Variants in ANKRD13C observed in about 807,000 individuals in gnomAD.
The protein encoded by ANKRD13C is ankyrin repeat domain 13C, also known as ankyrin repeat domain-containing protein 13C.
In ANKRD13C, 16 loss-of-function variants were observed where a neutral mutation model predicts 65.5. The observed-to-expected ratio is 0.24, with a 90% CI of 0.17 to 0.37. The LOEUF (loss-of-function observed/expected upper bound fraction) is 0.37, where lower values mean the gene tolerates loss of function less well. ANKRD13C is among the 10% of genes least tolerant of loss of function. ANKRD13C has a pLI of 1.00. For synonymous variants in ANKRD13C, 235 were observed against 238.7 expected, an observed-to-expected ratio of 0.98 and a Z score of 0.14; for missense variants, 503 against 655.9, an observed-to-expected ratio of 0.77 and a Z score of 2.55.
intron 6 of ANKRD13C, among the ~76,000 whole-genome samples, chr1:70,302,725 CAAAAAAAAAAAAAAAAAA>C (rs11359618): frequency 6.2e-5 from 2 of 32,164 alleles, no homozygotes; most frequent in African/African-American, 3.4e-4. Flanking sequence ...GACTCCGTCT[CAAAAAAAAAAAAAAAAAA>C]AAAAAAAAAA....
At chr1:70,270,760 G>A in intron 12 of ANKRD13C, 96 bp downstream of exon 12, 1 of 805,056 alleles carries the variant, frequency 1.2e-6, no homozygotes, top group South Asian at 1.8e-5. Context: ...AGAGGTGTTG[G>A]GGACCCCTGC....
intron 2 of ANKRD13C, among the ~76,000 whole-genome samples, chr1:70,330,569 C>G (rs377556715): frequency 4.2e-5 from 1 of 23,670 alleles, no homozygotes; most frequent in Non-Finnish European, 8.8e-5. Context: ...AAAAAACAAA[C>G]AAACCAAAAA....
In ANKRD13C at chr1:70,260,211, A is replaced by G. The variant is rs1678341673; in HGVS notation, c.*2506T>C. 2.0e-5 allele frequency among the ~76,000 whole-genome samples: 3 copies of G among 152,162 alleles called. No homozygotes were observed. Among genetic ancestry groups the G allele is most frequent in the African/African-American group, 7.2e-5 (3 of 41,446 alleles). ...TTCTTATACTCACAAAAATCAGGGC[A>G]TCTACTTCATACTACCCTTTTATGA... On this transcript the variant is annotated 3_prime_UTR_variant, in exon 13 of 13. Transcript: ENST00000370944.
intron 12 of ANKRD13C, 102 bp from the exon 13 acceptor site, chr1:70,262,949 A>AT: frequency 3.3e-6 from 3 of 910,612 alleles, no homozygotes; most frequent in Non-Finnish European, 4.6e-6. Flanking sequence ...AATGTAAAAA[A>AT]AAAAAAAAAA....
chr1:70,264,709 A>G (rs1678535544), intron 12 of ANKRD13C, among the ~76,000 whole-genome samples: 1 of 152,126 alleles, frequency 6.6e-6, no homozygotes, highest in South Asian at 2.1e-4. Flanking sequence ...ACATCACTAA[A>G]TAAGAAACAA....
At chr1:70,283,671 C>T (rs893687616) in intron 9 of ANKRD13C, among the ~76,000 whole-genome samples, 5 of 151,636 alleles carry the variant, frequency 3.3e-5, no homozygotes, top group Admixed American at 2.6e-4. Flanking sequence ...AAAAATTAGC[C>T]GGGTGTGGTG....
chr1:70,314,209 A>G (rs910897997), intron 4 of ANKRD13C, among the ~76,000 whole-genome samples: 1 of 151,684 alleles, frequency 6.6e-6, no homozygotes, highest in Admixed American at 6.6e-5. Context: ...ATCATATAAT[A>G]TCTATGAAAA....
chr1:70,319,954 T>C (rs1379684390), intron 3 of ANKRD13C, among the ~76,000 whole-genome samples: 3 of 152,112 alleles, frequency 2.0e-5, no homozygotes, highest in East Asian at 1.9e-4. Context: ...AGAACACAAA[T>C]AGACAATTCC....
At chr1:70,286,946 C>T (rs1024458523) in intron 9 of ANKRD13C, among the ~76,000 whole-genome samples, 2 of 152,072 alleles carry the variant, frequency 1.3e-5, no homozygotes, top group Non-Finnish European at 2.9e-5. Context: ...GATCGTGCCA[C>T]TGCACTCCAG....
chr1:70,342,498 T>C (rs1449611947), intron 1 of ANKRD13C, among the ~76,000 whole-genome samples: 2 of 151,836 alleles, frequency 1.3e-5, no homozygotes, highest in Non-Finnish European at 1.5e-5. Flanking sequence ...AGATCGCCCA[T>C]TGCACTCCAG....
At chr1:70,272,602 G>A (rs185924186) in intron 11 of ANKRD13C, among the ~76,000 whole-genome samples, 102 of 149,534 alleles carry the variant, frequency 6.8e-4, no homozygotes, top group African/African-American at 2.3e-3. Flanking sequence ...TTTTTTTCAT[G>A]TAACATATCT....
intron 1 of ANKRD13C, among the ~76,000 whole-genome samples, chr1:70,342,886 A>G (rs1015450400): frequency 6.6e-6 from 1 of 152,182 alleles, no homozygotes; most frequent in Non-Finnish European, 1.5e-5. Flanking sequence ...TGTGAATGTT[A>G]TATCTATTCA....
intron 2 of ANKRD13C, among the ~76,000 whole-genome samples, chr1:70,325,794 G>A (rs1021735267): frequency 3.9e-5 from 6 of 152,148 alleles, no homozygotes; most frequent in South Asian, 2.1e-4. Flanking sequence ...CAGGAGAATC[G>A]CTTGAACCCG....
At chr1:70,269,624 C>T (rs559245875) in intron 12 of ANKRD13C, among the ~76,000 whole-genome samples, 1 of 151,518 alleles carries the variant, frequency 6.6e-6, no homozygotes, top group Non-Finnish European at 1.5e-5. Flanking sequence ...TGCCTAAGAT[C>T]TTATCACTGA....
intron 9 of ANKRD13C, among the ~76,000 whole-genome samples, chr1:70,282,426 A>C (rs982703461): frequency 6.6e-6 from 1 of 152,190 alleles, no homozygotes; most frequent in South Asian, 2.1e-4. Context: ...AAAGAAAAAA[A>C]GTTGTCTGGG....
intron 7 of ANKRD13C, among the ~76,000 whole-genome samples, chr1:70,297,287 ATTTTTT>A (rs748635051): frequency 6.1e-5 from 6 of 98,804 alleles, no homozygotes; most frequent in Non-Finnish European, 1.0e-4. Context: ...TCCCTTTCTG[ATTTTTT>A]TTTTTTTTTT....
intron 3 of ANKRD13C, among the ~76,000 whole-genome samples, chr1:70,318,239 T>C (rs1275977025): frequency 6.6e-6 from 1 of 152,174 alleles, no homozygotes; most frequent in Non-Finnish European, 1.5e-5. Context: ...CAATGAAGAT[T>C]AAAATTAGCT....
chr1:70,318,467 C>T (rs1002866847), intron 3 of ANKRD13C, among the ~76,000 whole-genome samples: 2 of 152,132 alleles, frequency 1.3e-5, no homozygotes, highest in African/African-American at 2.4e-5. Context: ...TCCTGCTTCC[C>T]ACCTGGACAA....
At position 70,354,540 on chromosome 1, in the gene ANKRD13C, C is replaced by A. The variant is rs1572202904; in HGVS notation, c.-132G>T. 10 of 1,439,370 alleles carry A rather than the reference C, an allele frequency of 6.9e-6. No individual in the cohort carries two copies. Among genetic ancestry groups the A allele is most frequent in the East Asian group, 2.5e-5 (1 of 40,068 alleles). 89.2% of individuals were successfully genotyped at this position (1,439,370 alleles called of 1,614,324 possible). A position where few individuals can be genotyped will look rare whatever the true frequency, so the allele number is the denominator to read the frequency against. On this transcript the variant is annotated 5_prime_UTR_variant, in exon 1 of 13. Transcript: ENST00000370944. ...GCAGCATGAACTCCCACTGAGCCCC[C>A]GAGCCTGGGACAAACGCATCTCCCG... is the stretch of plus-strand genomic sequence containing the variant.
Sources: gnomAD v4.1 joint callset for allele counts (sites outside exome capture counted in the v4.1 genomes callset) on GRCh38, gnomAD v4.1.1 for gene constraint, MANE v1.5 for transcripts, NCBI Gene and HGNC (gene_info 2026-07-23, HGNC 2026-07-21) for gene names.